MICU1: variants seen among roughly 807,000 people sequenced by gnomAD.
MICU1 encodes mitochondrial calcium uptake 1.
Under a neutral mutation model 56.8 loss-of-function variants are expected in MICU1, and 45 were observed. The ratio of observed to expected loss-of-function variants is 0.79; its 90% CI spans 0.62 to 1.02. The LOEUF (loss-of-function observed/expected upper bound fraction) is 1.02. Among genes scored for constraint, MICU1 ranks in the 50% least tolerant of loss-of-function variants. The pLI, the probability that MICU1 is intolerant of heterozygous loss-of-function variation, is 0.00. For synonymous variants in MICU1, 186 were observed against 195.1 expected, an observed-to-expected ratio of 0.95 and a Z score of 0.39; for missense variants, 504 against 587.1, an observed-to-expected ratio of 0.86 and a Z score of 1.46.
intron 1 of MICU1, among the ~76,000 whole-genome samples, chr10:72,606,711 G>T (rs2132557930): frequency 6.6e-6 from 1 of 152,072 alleles, no homozygotes; most frequent in Admixed American, 6.6e-5. Flanking sequence ...TGATGGTAGG[G>T]TTGGGGGCTT....
Position 72,430,149 on chromosome 10 carries a change from CTTTCT to C in MICU1, c.934-6783_934-6779del, listed in dbSNP as rs920774708. On this transcript the variant is annotated intron_variant, in intron 8 of 11. Transcript: ENST00000361114. ...AAGTTAGGCTTTCTTTTACTTTCTT[CTTTCT>C]TTTAACTTTAATTTTCAGCAAGTTT... is the stretch of plus-strand genomic sequence containing the variant. Among the ~76,000 whole-genome samples the C allele has an allele frequency of 3.3e-5, 5 of 152,198 alleles. No individual in the cohort carries two copies. In the South Asian group the frequency reaches 6.2e-4, roughly 19 times the overall value.
intron 6 of MICU1, among the ~76,000 whole-genome samples, chr10:72,500,261 CATATATATATATATATATATATATAT>C (rs869065639): frequency 3.4e-4 from 10 of 29,074 alleles, no homozygotes; most frequent in East Asian, 2.4e-3. Context: ...TACATACATA[CATATATATATATATATATATATATAT>C]ATATATATAT....
chr10:72,532,220 A>G (rs1482030079), intron 5 of MICU1, among the ~76,000 whole-genome samples: 2 of 151,862 alleles, frequency 1.3e-5, no homozygotes, highest in Non-Finnish European at 2.9e-5. Context: ...CGAGAGGCTG[A>G]GGCAGGAGAA....
intron 1 of MICU1, among the ~76,000 whole-genome samples, chr10:72,569,233 A>ATTTTTTTTTTTTTT (rs1231227018): frequency 2.2e-4 from 9 of 40,332 alleles, no homozygotes; most frequent in African/African-American, 3.6e-4. Context: ...ATATATATAT[A>ATTTTTTTTTTTTTT]TATATTTTTT....
chr10:72,568,812 G>T (rs992797812), intron 1 of MICU1, among the ~76,000 whole-genome samples: 1 of 140,986 alleles, frequency 7.1e-6, no homozygotes, highest in African/African-American at 2.7e-5. Context: ...GAGTACAGTG[G>T]CGCAATCTCG....
intron 1 of MICU1, among the ~76,000 whole-genome samples, chr10:72,595,242 A>G (rs1001250934): frequency 2.6e-5 from 4 of 151,264 alleles, no homozygotes; most frequent in Middle Eastern, 3.2e-3. Flanking sequence ...ACTTAAGGTT[A>G]GGAGTCTGAG....
chr10:72,569,237 A>ATATATATTTTTTTTTTTTT, intron 1 of MICU1, among the ~76,000 whole-genome samples: 7 of 34,392 alleles, frequency 2.0e-4, no homozygotes, highest in Non-Finnish European at 2.6e-4. Flanking sequence ...ATATATATAT[A>ATATATATTTTTTTTTTTTT]TTTTTTTTTT....
At chr10:72,616,573 G>A (rs1246935279) in intron 1 of MICU1, among the ~76,000 whole-genome samples, 1 of 136,388 alleles carries the variant, frequency 7.3e-6, no homozygotes, top group Non-Finnish European at 1.5e-5. Context: ...GGCAACAAGA[G>A]CGAAACTCCA....
intron 6 of MICU1, among the ~76,000 whole-genome samples, chr10:72,485,290 C>T (rs886722492): frequency 1.3e-5 from 2 of 152,006 alleles, no homozygotes; most frequent in Non-Finnish European, 2.9e-5. Context: ...GTTGCCCGGG[C>T]TGGTCTCGAT....
chr10:72,605,217 T>C (rs1841654081), intron 1 of MICU1, among the ~76,000 whole-genome samples: 1 of 152,134 alleles, frequency 6.6e-6, no homozygotes, highest in Admixed American at 6.6e-5. Flanking sequence ...CGCATTAGCA[T>C]GCTAAAAGGA....
At chr10:72,394,077 A>AT (rs1342152971) in intron 10 of MICU1, among the ~76,000 whole-genome samples, 1 of 151,974 alleles carries the variant, frequency 6.6e-6, no homozygotes, top group Non-Finnish European at 1.5e-5. Context: ...GATAGTGCCT[A>AT]TTTTTTTGAG....
chr10:72,477,223 A>G lies in MICU1; in HGVS notation c.686T>C (p.Met229Thr). The change falls in exon 7 of 12, where the codon ATG becomes ACG. Residue 229 changes from methionine (M) to threonine (T), a missense_variant. By Grantham distance (81) the Met-to-Thr change is moderately conservative. Transcript: ENST00000361114. Reference sequence around the variant, plus strand: ...TTCTCCATCTCCATTCAAATCAAACATCTTGAAGGCAATTTCAAAATTTCT... The same window carrying G: ...TTCTCCATCTCCATTCAAATCAAACGTCTTGAAGGCAATTTCAAAATTTCT... ...PQRNFEIAFK[M>T]FDLNGDGEVD... 6.5e-7 allele frequency: 1 copy of G among 1,549,236 alleles called. No homozygotes were observed. The highest frequency in any genetic ancestry group is 8.7e-7 in the Non-Finnish European group (1 of 1,146,582).
chr10:72,390,084 AC>A (rs1224902543), intron 10 of MICU1, among the ~76,000 whole-genome samples: 2 of 152,118 alleles, frequency 1.3e-5, no homozygotes, highest in African/African-American at 4.8e-5. Flanking sequence ...CTTCATTATT[AC>A]CTGATGGTTG....
At chr10:72,535,286 G>A (rs1300140725) in intron 4 of MICU1, among the ~76,000 whole-genome samples, 1 of 151,894 alleles carries the variant, frequency 6.6e-6, no homozygotes, top group Admixed American at 6.6e-5. Flanking sequence ...TGATCCACCC[G>A]CCTCAGCCTC....
chr10:72,448,125 G>GTA (rs1865166308), intron 8 of MICU1, among the ~76,000 whole-genome samples: 1 of 113,074 alleles, frequency 8.8e-6, no homozygotes, highest in African/African-American at 4.2e-5. Flanking sequence ...ATATATATGT[G>GTA]TGTGTGTGTG....
chr10:72,440,916 A>G (rs1022831377), intron 8 of MICU1, among the ~76,000 whole-genome samples: 1 of 152,174 alleles, frequency 6.6e-6, no homozygotes, highest in Non-Finnish European at 1.5e-5. Flanking sequence ...TCTGGAGAGG[A>G]TGTGGAGAAA....
At chr10:72,510,565 A>G (rs1235295671) in intron 5 of MICU1, among the ~76,000 whole-genome samples, 1 of 152,224 alleles carries the variant, frequency 6.6e-6, no homozygotes, top group Non-Finnish European at 1.5e-5. Context: ...TAATTCTGAT[A>G]CATAATTTAT....
intron 8 of MICU1, among the ~76,000 whole-genome samples, chr10:72,424,423 C>T (rs570004283): frequency 9.9e-5 from 15 of 152,138 alleles, no homozygotes; most frequent in African/African-American, 3.6e-4. Context: ...TAACAGTGAC[C>T]ATTTACTGAG....
chr10:72,421,014 AAAAAT>A (rs1382036184), intron 9 of MICU1, among the ~76,000 whole-genome samples: 13 of 140,518 alleles, frequency 9.3e-5, no homozygotes, highest in African/African-American at 3.3e-4. Flanking sequence ...AAAAAAAAAA[AAAAAT>A]AATAATAATA....
Sources: gnomAD v4.1 joint callset for allele counts (sites outside exome capture counted in the v4.1 genomes callset) on GRCh38, gnomAD v4.1.1 for gene constraint, MANE v1.5 for transcripts, NCBI Gene and HGNC (gene_info 2026-07-23, HGNC 2026-07-21) for gene names.